TTC39B: variants seen among roughly 807,000 people sequenced by gnomAD.
TTC39B encodes the protein tetratricopeptide repeat domain 39B, also known as tetratricopeptide repeat protein 39B.
TTC39B carries 92 observed loss-of-function variants against 96.6 expected under a neutral mutation model. The ratio of observed to expected loss-of-function variants is 0.95; its 90% CI spans 0.80 to 1.13. TTC39B has a LOEUF of 1.13. Among genes scored for constraint, TTC39B ranks in the 50% most tolerant of loss-of-function variants. The pLI is 0.00. For synonymous variants in TTC39B, 367 were observed against 299.4 expected, an observed-to-expected ratio of 1.23 and a Z score of -2.33; for missense variants, 955 against 809.3, an observed-to-expected ratio of 1.18 and a Z score of -2.18.
At chr9:15,258,982 C>T (rs1181859896) in intron 2 of TTC39B, among the ~76,000 whole-genome samples, 1 of 152,118 alleles carries the variant, frequency 6.6e-6, no homozygotes, top group Non-Finnish European at 1.5e-5. Flanking sequence ...TTCACAGTGG[C>T]AGGTCTAAAC....
intron 2 of TTC39B, chr9:15,250,181 A>C (rs1011733147): frequency 2.2e-5 from 26 of 1,188,272 alleles, no homozygotes; most frequent in Non-Finnish European, 2.8e-5. Context: ...ATGTCAGTTA[A>C]AGTGGCAGCT....
intron 7 of TTC39B, among the ~76,000 whole-genome samples, chr9:15,202,475 G>T (rs925207236): frequency 2.0e-5 from 3 of 152,162 alleles, no homozygotes; most frequent in African/African-American, 7.2e-5. Flanking sequence ...ACTTTGGGAG[G>T]CCGAGGTGGG....
At chr9:15,277,154 C>T (rs1010162318) in intron 1 of TTC39B, among the ~76,000 whole-genome samples, 3 of 152,124 alleles carry the variant, frequency 2.0e-5, no homozygotes, top group South Asian at 2.1e-4. Flanking sequence ...ATGGGCTGGG[C>T]GCAGTGGCTC....
intron 1 of TTC39B, among the ~76,000 whole-genome samples, chr9:15,277,223 G>T (rs1823578143): frequency 6.6e-6 from 1 of 152,152 alleles, no homozygotes; most frequent in Non-Finnish European, 1.5e-5. Context: ...GAGGTCGGGA[G>T]TTCAAGACCA....
intron 5 of TTC39B, among the ~76,000 whole-genome samples, 169 bp from the exon 6 acceptor site, chr9:15,210,333 A>T (rs565854457): frequency 6.6e-6 from 1 of 152,230 alleles, no homozygotes; most frequent in Admixed American, 6.5e-5. Context: ...AACACTCTAC[A>T]TGCAGCACTG....
intron 1 of TTC39B, among the ~76,000 whole-genome samples, chr9:15,289,195 A>G (rs2131598995): frequency 6.6e-6 from 1 of 152,308 alleles, no homozygotes; most frequent in East Asian, 1.9e-4. Context: ...CAGTGTTGGT[A>G]TTTTAAAATA....
chr9:15,203,848 T>C (rs1337690082), exon 7 of TTC39B: 2 of 1,613,530 alleles, frequency 1.2e-6, no homozygotes, highest in Admixed American at 3.3e-5. Flanking sequence ...TGCAGCTTTC[T>C]GTAGGAGACA....
At chr9:15,229,846 G>A (rs1297271398) in intron 2 of TTC39B, among the ~76,000 whole-genome samples, 1 of 152,022 alleles carries the variant, frequency 6.6e-6, no homozygotes, top group African/African-American at 2.4e-5. Context: ...CTCTTTTTGT[G>A]GGGTTGTTAT....
intron 1 of TTC39B, among the ~76,000 whole-genome samples, chr9:15,274,860 A>G (rs1823481879): frequency 6.6e-6 from 1 of 152,144 alleles, no homozygotes; most frequent in Admixed American, 6.5e-5. Flanking sequence ...TAAAAAAATA[A>G]TAACAGCAAA....
chr9:15,191,672 G>C (rs1189362915), intron 9 of TTC39B, among the ~76,000 whole-genome samples: 1 of 152,154 alleles, frequency 6.6e-6, no homozygotes, highest in East Asian at 1.9e-4. Flanking sequence ...TTCTCTCTGG[G>C]ATATTCCTGA....
At chr9:15,276,400 C>T (rs77648760) in intron 1 of TTC39B, among the ~76,000 whole-genome samples, 5,743 of 152,242 alleles carry the variant, frequency 0.038, 348 homozygotes, top group African/African-American at 0.13. Flanking sequence ...CCATAGCACC[C>T]ACCCTAGGAA....
At chr9:15,179,912 G>A (rs1818157426) in intron 17 of TTC39B, among the ~76,000 whole-genome samples, 1 of 152,150 alleles carries the variant, frequency 6.6e-6, no homozygotes, top group African/African-American at 2.4e-5. Flanking sequence ...ACCTTAGATG[G>A]CAAAATCATT....
chr9:15,307,012 G>A, intron 1 of TTC39B, 72 bp downstream of exon 1: 1 of 1,564,702 alleles, frequency 6.4e-7, no homozygotes, highest in Non-Finnish European at 8.7e-7. Context: ...GTCCTAGCCG[G>A]GCTCACTCTT....
At chr9:15,201,536 A>C (rs778511632) in intron 7 of TTC39B, among the ~76,000 whole-genome samples, 1 of 152,204 alleles carries the variant, frequency 6.6e-6, no homozygotes, top group Non-Finnish European at 1.5e-5. Context: ...AGGTATAGAA[A>C]GGCAAAGCAG....
intron 2 of TTC39B, among the ~76,000 whole-genome samples, chr9:15,260,431 G>A (rs149903905): frequency 5.8e-4 from 87 of 149,988 alleles, no homozygotes; most frequent in African/African-American, 2.1e-3. Flanking sequence ...ATTACCTACA[G>A]GGGAAAATTG....
chr9:15,260,822 A>T (rs1006542667), intron 2 of TTC39B, among the ~76,000 whole-genome samples: 15 of 82,982 alleles, frequency 1.8e-4, no homozygotes, highest in Non-Finnish European at 3.1e-4. Flanking sequence ...TTACCTGGCT[A>T]AAAAAATCTG....
intron 1 of TTC39B, 58 bp from the exon 2 acceptor site, chr9:15,268,006 A>G: frequency 6.5e-7 from 1 of 1,535,568 alleles, no homozygotes; most frequent in Non-Finnish European, 9.0e-7. Context: ...GTTTCTCAAG[A>G]ATTCTAAAAG....
chr9:15,211,786 T>C (rs558448596), intron 4 of TTC39B, among the ~76,000 whole-genome samples: 1 of 152,198 alleles, frequency 6.6e-6, no homozygotes, highest in Non-Finnish European at 1.5e-5. Flanking sequence ...TTCTGATATA[T>C]TTTTTCAAAA....
chr9:15,266,741 G>T (rs962708387), intron 2 of TTC39B, among the ~76,000 whole-genome samples: 1 of 152,098 alleles, frequency 6.6e-6, no homozygotes, highest in African/African-American at 2.4e-5. Flanking sequence ...ATTTAAATGA[G>T]GTCAGGAGAG....
Sources: allele counts gnomAD v4.1 joint callset (sites outside exome capture counted in the v4.1 genomes callset), GRCh38; gene constraint gnomAD v4.1.1; transcripts MANE v1.5; gene names NCBI Gene and HGNC (gene_info 2026-07-23, HGNC 2026-07-21).